Variants in AUTS2 observed in about 807,000 individuals in gnomAD.
AUTS2 encodes the protein autism susceptibility gene 2 protein.
A neutral mutation model predicts 112.4 loss-of-function variants in AUTS2; 17 were observed. The observed-to-expected ratio is 0.15, with a 90% CI of 0.10 to 0.23. AUTS2 has a LOEUF of 0.23. Ranked by LOEUF, AUTS2 falls within the 10% of genes least tolerant of loss-of-function variation. The probability of loss-of-function intolerance (pLI) is 1.00; values close to 1 mark genes in which losing one functional copy is unlikely to be tolerated. For missense variants in AUTS2, 1,510 were observed against 1,701.6 expected, an observed-to-expected ratio of 0.89 and a Z score of 1.98; for synonymous variants, 751 against 702.7, an observed-to-expected ratio of 1.07 and a Z score of -1.09.
intron 2 of AUTS2, among the ~76,000 whole-genome samples, chr7:70,027,270 C>T (rs1355633137): frequency 1.3e-5 from 2 of 152,144 alleles, no homozygotes; most frequent in African/African-American, 4.8e-5. Flanking sequence ...TTTGGAAACT[C>T]TCTGTTGTTG....
intron 4 of AUTS2, among the ~76,000 whole-genome samples, chr7:70,314,581 C>T (rs917427687): frequency 1.4e-4 from 21 of 152,192 alleles, no homozygotes; most frequent in African/African-American, 4.8e-4. Flanking sequence ...TTTGACAGTC[C>T]TCAAATTTGT....
intron 4 of AUTS2, among the ~76,000 whole-genome samples, chr7:70,256,736 C>G (rs1443597960): frequency 6.6e-6 from 1 of 152,150 alleles, no homozygotes; most frequent in African/African-American, 2.4e-5. Context: ...TTTTGTTTTT[C>G]TGCCAGTTGG....
rs1322493398 is a variant in AUTS2 at position 69,953,927 on chromosome 7, C to T, written c.522+54429C>T. ...CCTGCATCTGTCTGCATATACCTCACAGCTGAGCAGATAACATATTTGTGC... is the reference window on the plus strand; with the variant it reads ...CCTGCATCTGTCTGCATATACCTCATAGCTGAGCAGATAACATATTTGTGC... On this transcript the variant is annotated intron_variant, in intron 2 of 18. Coordinates refer to ENST00000342771, the MANE Select transcript of AUTS2 (RefSeq NM_015570.4). Among the ~76,000 whole-genome samples the T allele has an allele frequency of 2.0e-5, 3 of 152,122 alleles. No individual in the cohort carries two copies. The South Asian group carries it at 6.2e-4, about 31-fold the overall frequency.
At chr7:70,028,657 C>T (rs561864792) in intron 2 of AUTS2, among the ~76,000 whole-genome samples, 22 of 152,248 alleles carry the variant, frequency 1.4e-4, no homozygotes, top group African/African-American at 5.1e-4. Flanking sequence ...TTTGTTCCTC[C>T]TCCTCCTTAG....
intron 4 of AUTS2, among the ~76,000 whole-genome samples, chr7:70,221,381 T>C (rs558353842): frequency 6.6e-6 from 1 of 152,382 alleles, no homozygotes; most frequent in Non-Finnish European, 1.5e-5. Flanking sequence ...AAAATTTATA[T>C]ACAATTAATC....
At chr7:70,495,498 A>G (rs1798420047) in intron 5 of AUTS2, among the ~76,000 whole-genome samples, 2 of 151,956 alleles carry the variant, frequency 1.3e-5, no homozygotes, top group South Asian at 4.1e-4. Flanking sequence ...ATATACCTTT[A>G]GCAGCAGAAA....
rs540533392 is a variant in AUTS2 at position 69,716,502 on chromosome 7, CT to C, written c.309+116542del. Reference sequence around the variant, plus strand: ...AAGGTGTTTTTCTTATTCTCAGTCACTTCACATTTTACTTCTGACACTAGAT... The same window carrying C: ...AAGGTGTTTTTCTTATTCTCAGTCACTCACATTTTACTTCTGACACTAGAT... On this transcript the variant is annotated intron_variant, in intron 1 of 18. Transcript: ENST00000342771. Among the ~76,000 whole-genome samples, 143 of 152,244 alleles carry C rather than the reference CT, an allele frequency of 9.4e-4. No individual in the cohort carries two copies. The Middle Eastern group carries it at 0.014, about 14-fold the overall frequency.
At chr7:70,096,547 C>T (rs917216464) in intron 2 of AUTS2, among the ~76,000 whole-genome samples, 1 of 145,964 alleles carries the variant, frequency 6.9e-6, no homozygotes, top group Non-Finnish European at 1.5e-5. Context: ...TGTGGTGAGC[C>T]GAGATCGCGC....
intron 4 of AUTS2, among the ~76,000 whole-genome samples, chr7:70,155,021 CT>C (rs1332661872): frequency 3.3e-5 from 5 of 152,198 alleles, no homozygotes; most frequent in African/African-American, 1.2e-4. Flanking sequence ...AGCACACTTT[CT>C]GCTGCCAGCC....
chr7:69,819,761 G>A (rs77739673), intron 1 of AUTS2, among the ~76,000 whole-genome samples: 44 of 152,318 alleles, frequency 2.9e-4, no homozygotes, highest in African/African-American at 1.1e-3. Flanking sequence ...GGGACCATAG[G>A]CACATGCCAC....
At chr7:70,503,546 T>A in intron 5 of AUTS2, among the ~76,000 whole-genome samples, 1 of 145,088 alleles carries the variant, frequency 6.9e-6, no homozygotes, top group Non-Finnish European at 1.5e-5. Context: ...TGAGATAGAT[T>A]CTCTCTCTGT....
chr7:70,644,098 T>A (rs570740599), intron 5 of AUTS2, among the ~76,000 whole-genome samples: 55 of 152,282 alleles, frequency 3.6e-4, no homozygotes, highest in African/African-American at 1.1e-3. Context: ...TTCCCATCCA[T>A]CAATTGGCTC....
chr7:70,721,045 T>C (rs1258777075), intron 6 of AUTS2, among the ~76,000 whole-genome samples: 2 of 151,978 alleles, frequency 1.3e-5, no homozygotes, highest in Non-Finnish European at 2.9e-5. Flanking sequence ...AACATTTGCT[T>C]TTCTTCAATC....
chr7:70,698,414 A>G (rs1375202085), intron 5 of AUTS2, among the ~76,000 whole-genome samples, 155 bp from the exon 6 acceptor site: 1 of 152,178 alleles, frequency 6.6e-6, no homozygotes, highest in Non-Finnish European at 1.5e-5. Context: ...CAAGCAGTCA[A>G]CTAGCACCAC....
intron 5 of AUTS2, among the ~76,000 whole-genome samples, chr7:70,665,272 T>C (rs1172642633): frequency 6.6e-6 from 1 of 151,944 alleles, no homozygotes; most frequent in East Asian, 1.9e-4. Context: ...CTTTTTTTTC[T>C]TCTTCTCCTA....
chr7:70,478,743 GT>G (rs11402312), intron 5 of AUTS2, among the ~76,000 whole-genome samples: 149 of 138,634 alleles, frequency 1.1e-3, no homozygotes, highest in Middle Eastern at 3.6e-3. Flanking sequence ...TTCAAGACTT[GT>G]TTTTTTTTTT....
At chr7:70,600,092 G>A (rs984426819) in intron 5 of AUTS2, among the ~76,000 whole-genome samples, 3 of 152,198 alleles carry the variant, frequency 2.0e-5, no homozygotes, top group Non-Finnish European at 2.9e-5. Context: ...GTTTTCACAC[G>A]TTCTCCAAGT....
chr7:70,035,128 T>C (rs947122037), intron 2 of AUTS2, among the ~76,000 whole-genome samples: 1 of 152,242 alleles, frequency 6.6e-6, no homozygotes, highest in African/African-American at 2.4e-5. Flanking sequence ...CATTTGCATT[T>C]CCCATTTTGT....
intron 1 of AUTS2, among the ~76,000 whole-genome samples, chr7:69,783,247 T>G (rs996599381): frequency 1.8e-4 from 28 of 152,204 alleles, no homozygotes; most frequent in Non-Finnish European, 3.5e-4. Context: ...CTTTGGAGAT[T>G]AGAACTCACT....
Sources: gnomAD v4.1 joint callset for allele counts (sites outside exome capture counted in the v4.1 genomes callset) on GRCh38, gnomAD v4.1.1 for gene constraint, MANE v1.5 for transcripts, NCBI Gene and HGNC (gene_info 2026-07-23, HGNC 2026-07-21) for gene names.